KALRN: variants seen among roughly 807,000 people sequenced by gnomAD.
KALRN encodes the protein kalirin.
A neutral mutation model predicts 353.7 loss-of-function variants in KALRN; 70 were observed. The ratio of observed to expected loss-of-function variants is 0.20; its 90% CI spans 0.16 to 0.24. The LOEUF (loss-of-function observed/expected upper bound fraction) is 0.24, where lower values mean the gene tolerates loss of function less well. Among genes scored for constraint, KALRN ranks in the 10% least tolerant of loss-of-function variants. KALRN has a pLI of 1.00. For synonymous variants in KALRN, 1,391 were observed against 1,434.8 expected (o/e 0.97, Z 0.69); for missense variants, 2,791 against 3,756.7 (o/e 0.74, Z 6.72).
chr3:124,257,957 A>T (rs1183263788), intron 3 of KALRN, among the ~76,000 whole-genome samples: 1 of 152,186 alleles, frequency 6.6e-6, no homozygotes, highest in African/African-American at 2.4e-5. Context: ...TGGGCTAATA[A>T]ATATCTTTTA....
At chr3:124,502,390 G>C (rs1027121685) in intron 33 of KALRN, among the ~76,000 whole-genome samples, 1 of 152,180 alleles carries the variant, frequency 6.6e-6, no homozygotes, top group African/African-American at 2.4e-5. Flanking sequence ...GTTTGTGTCG[G>C]TTGTGAGCTG....
intron 1 of KALRN, among the ~76,000 whole-genome samples, chr3:124,035,719 G>C (rs1411149646): frequency 6.6e-6 from 1 of 152,206 alleles, no homozygotes; most frequent in Non-Finnish European, 1.5e-5. Flanking sequence ...CAAAACACAA[G>C]GTGTGGCACA....
At chr3:124,360,067 A>G (rs953812906) in intron 10 of KALRN, among the ~76,000 whole-genome samples, 7 of 152,244 alleles carry the variant, frequency 4.6e-5, no homozygotes, top group Admixed American at 2.6e-4. Flanking sequence ...GGCAGGGAAC[A>G]CCCAGCAGCT....
chr3:124,130,462 A>G (rs115502172), intron 1 of KALRN, among the ~76,000 whole-genome samples: 1 of 152,320 alleles, frequency 6.6e-6, no homozygotes, highest in Non-Finnish European at 1.5e-5. Context: ...TTCCAGTGAT[A>G]CTTTAAAAAT....
intron 47 of KALRN, among the ~76,000 whole-genome samples, chr3:124,671,286 T>G (rs573469879): frequency 1.3e-5 from 2 of 152,294 alleles, no homozygotes; most frequent in East Asian, 3.9e-4. Context: ...TCTGGTTTCC[T>G]CTTCCTCCTA....
At chr3:124,323,154 A>G (rs1205309329) in intron 6 of KALRN, among the ~76,000 whole-genome samples, 1 of 151,820 alleles carries the variant, frequency 6.6e-6, no homozygotes, top group Non-Finnish European at 1.5e-5. Context: ...TTTTTTGTTT[A>G]TTTGCTTTTA....
At chr3:124,296,102 A>G (rs2076822827) in intron 5 of KALRN, among the ~76,000 whole-genome samples, 1 of 152,180 alleles carries the variant, frequency 6.6e-6, no homozygotes, top group Non-Finnish European at 1.5e-5. Flanking sequence ...TCTCCAAATC[A>G]TGCACGTTTG....
In KALRN at chr3:124,329,893, G is replaced by A; in HGVS notation, c.1317G>A (p.Met439Ile). Residue 439 changes from methionine (M) to isoleucine (I), a missense_variant, in exon 8 of 60, where the codon ATG becomes ATA. Physicochemically the swap from Met to Ile is conservative, Grantham distance 10 (BLOSUM62 1). This residue lies in a region of KALRN where 366 missense variants were observed against 489.2 expected (regional missense o/e 0.75). Coordinates refer to ENST00000682506, the MANE Select transcript of KALRN (RefSeq NM_001388419.1). ...FLSGVDAWCK[M>I]CSEGGLPSEM... ...CGGGAGTGGATGCCTGGTGCAAGAT[G>A]TGCAGTGAAGGTGGTCTGCCATCCG... is the stretch of plus-strand genomic sequence containing the variant. 1 of 1,613,864 alleles carries A rather than the reference G, an allele frequency of 6.2e-7. No homozygotes were observed. The highest frequency in any genetic ancestry group is 8.5e-7 in the Non-Finnish European group (1 of 1,179,900).
At chr3:124,516,523 A>G (rs1236117328) in intron 33 of KALRN, among the ~76,000 whole-genome samples, 2 of 152,026 alleles carry the variant, frequency 1.3e-5, no homozygotes, top group Non-Finnish European at 2.9e-5. Flanking sequence ...TTAAACTGCT[A>G]TCCTCTTCAG....
chr3:124,434,358 G>T lies in KALRN; in HGVS notation c.2881G>T (p.Val961Leu). The T allele has an allele frequency of 6.2e-7, 1 of 1,613,718 alleles. No individual in the cohort carries two copies. Among genetic ancestry groups the T allele is most frequent in the South Asian group, 1.1e-5 (1 of 91,060 alleles). ...GAAGACGCACCAGAGTGCCCTGCAG[G>T]TACAGCAGAAAGCCGAGGTGCTGCT... Reference protein sequence around the residue: ...LQKTHQSALQVQQKAEVLLQA... With the variant: ...LQKTHQSALQLQQKAEVLLQA... Residue 961 changes from valine to leucine, a missense_variant, in exon 17 of 60, where the codon GTA (valine) becomes TTA (leucine). Physicochemically the swap from Val to Leu is conservative, Grantham distance 32 (BLOSUM62 1). This residue lies in a region of KALRN where 452 missense variants were observed against 575.8 expected (regional missense o/e 0.78). Transcript: ENST00000682506.
intron 5 of KALRN, among the ~76,000 whole-genome samples, chr3:124,294,612 C>A (rs1362712700): frequency 4.2e-5 from 6 of 143,630 alleles, no homozygotes; most frequent in African/African-American, 1.5e-4. Context: ...GCAACCTCCG[C>A]CTCCCGGGTT....
intron 1 of KALRN, among the ~76,000 whole-genome samples, chr3:124,165,323 C>T (rs2070659274): frequency 6.6e-6 from 1 of 152,200 alleles, no homozygotes; most frequent in South Asian, 2.1e-4. Context: ...GCATTAGCAT[C>T]TCTTAGAAAG....
intron 3 of KALRN, among the ~76,000 whole-genome samples, chr3:124,256,012 G>A (rs2071920569): frequency 1.3e-5 from 2 of 152,144 alleles, no homozygotes; most frequent in Admixed American, 6.5e-5. Flanking sequence ...AGAAAGATCA[G>A]GAAAGAATAG....
intron 10 of KALRN, among the ~76,000 whole-genome samples, chr3:124,366,700 G>A (rs1003106210): frequency 7.2e-5 from 11 of 151,964 alleles, no homozygotes; most frequent in Non-Finnish European, 1.3e-4. Context: ...ATCCTGGCCC[G>A]TTCTCAATGA....
chr3:124,268,661 C>T (rs1479013906), intron 4 of KALRN, 82 bp from the exon 5 acceptor site: 2 of 1,423,138 alleles, frequency 1.4e-6, no homozygotes, highest in African/African-American at 1.4e-5. Context: ...GTGGATTTAT[C>T]TTGTCCTTTC....
intron 21 of KALRN, among the ~76,000 whole-genome samples, chr3:124,448,266 A>C (rs2093905228): frequency 6.6e-6 from 1 of 151,868 alleles, no homozygotes; most frequent in African/African-American, 2.4e-5. Flanking sequence ...GTAGCTTCCT[A>C]ATTTGATTGC....
At chr3:124,203,770 T>C (rs543213013) in intron 1 of KALRN, among the ~76,000 whole-genome samples, 2 of 152,288 alleles carry the variant, frequency 1.3e-5, no homozygotes, top group African/African-American at 4.8e-5. Flanking sequence ...CATTAAGTAA[T>C]TGCCCTCCAA....
chr3:124,079,148 A>C (rs534650172), intron 1 of KALRN, among the ~76,000 whole-genome samples: 1 of 152,106 alleles, frequency 6.6e-6, no homozygotes, highest in African/African-American at 2.4e-5. Flanking sequence ...TCGGGAAGAG[A>C]GACTGTAGTA....
intron 1 of KALRN, among the ~76,000 whole-genome samples, chr3:124,056,319 G>A (rs1156756274): frequency 1.3e-5 from 2 of 152,132 alleles, no homozygotes; most frequent in Non-Finnish European, 2.9e-5. Flanking sequence ...GGATGTCAGT[G>A]GAGACCTCGA....
Sources: gnomAD v4.1 joint callset for allele counts (sites outside exome capture counted in the v4.1 genomes callset) on GRCh38, gnomAD v4.1.1 for gene constraint, gnomAD v4.1.1 regional missense constraint, MANE v1.5 for transcripts, NCBI Gene and HGNC (gene_info 2026-07-23, HGNC 2026-07-21) for gene names.